PLA2G4D: variants seen among roughly 807,000 people sequenced by gnomAD.
PLA2G4D encodes cytosolic phospholipase A2 delta.
PLA2G4D carries 80 observed loss-of-function variants against 94.4 expected under a neutral mutation model. The observed-to-expected ratio is 0.85, with a 90% CI of 0.71 to 1.02. PLA2G4D has a LOEUF of 1.02. PLA2G4D is among the 50% of genes least tolerant of loss of function. The pLI is 0.00. For missense variants in PLA2G4D, 1,050 were observed against 1,034.7 expected (o/e 1.01, Z -0.20); for synonymous variants, 438 against 440.9 (o/e 0.99, Z 0.08).
chr15:42,075,250 A>C (rs1217789037), intron 13 of PLA2G4D, among the ~76,000 whole-genome samples: 1 of 152,274 alleles, frequency 6.6e-6, no homozygotes. Context: ...AAAACCGTGC[A>C]TTAAGTCATT....
chr15:42,073,884 C>T (rs1416150466), intron 13 of PLA2G4D, among the ~76,000 whole-genome samples: 1 of 152,116 alleles, frequency 6.6e-6, no homozygotes, highest in Non-Finnish European at 1.5e-5. Context: ...CTCTTCTGTC[C>T]CTGACGAGAA....
chr15:42,094,416 T>C lies in PLA2G4D; in HGVS notation c.44A>G (p.Gln15Arg). Residue 15 changes from glutamine (Q) to arginine (R), a missense_variant and splice_region_variant, in exon 1 of 20, where the codon CAG (glutamine) becomes CGG (arginine). Gln to Arg is a conservative substitution (Grantham distance 43, BLOSUM62 1). Transcript: ENST00000290472. ...SPGGPPGHPY[Q>R]GEASTCWQLT... The stretch of plus-strand genomic sequence containing the variant: ...CACATGCTCTGCAGACACTGTTACC[T>C]GGTAAGGGTGGCCAGGTGGTCCCCC... The C allele has an allele frequency of 6.2e-7, 1 of 1,613,984 alleles. No individual in the cohort carries two copies. Among genetic ancestry groups the C allele is most frequent in the Non-Finnish European group, 8.5e-7 (1 of 1,179,952 alleles).
chr15:42,081,990 G>C (rs1438506055), intron 9 of PLA2G4D, among the ~76,000 whole-genome samples, 156 bp from the exon 10 acceptor site: 3 of 142,420 alleles, frequency 2.1e-5, no homozygotes, highest in Non-Finnish European at 4.5e-5. Context: ...GGAGTGCAAT[G>C]GTGCGATCTT....
At chr15:42,093,467 G>A (rs577124797) in intron 1 of PLA2G4D, among the ~76,000 whole-genome samples, 2 of 152,320 alleles carry the variant, frequency 1.3e-5, no homozygotes, top group Admixed American at 1.3e-4. Flanking sequence ...TGGGACGGGT[G>A]GTGGAGCCAG....
intron 1 of PLA2G4D, 43 bp downstream of exon 1, chr15:42,094,372 G>A (rs2141107092): frequency 3.7e-6 from 6 of 1,610,306 alleles, no homozygotes; most frequent in Non-Finnish European, 5.1e-6. Context: ...CTGGCTCCAG[G>A]CCTGCCCTGA....
At chr15:42,082,477 C>A in intron 8 of PLA2G4D, 88 bp from the exon 9 acceptor site, 1 of 827,390 alleles carries the variant, frequency 1.2e-6, no homozygotes, top group Non-Finnish European at 2.0e-6. Context: ...CAGACACATT[C>A]TCCCTGATAA....
intron 14 of PLA2G4D, 65 bp downstream of exon 14, chr15:42,072,210 G>A: frequency 7.2e-7 from 1 of 1,383,482 alleles, no homozygotes; most frequent in Non-Finnish European, 1.0e-6. Flanking sequence ...AATTCTCTGG[G>A]GGCTGTCGGG....
chr15:42,085,492 T>C lies in PLA2G4D; in HGVS notation c.427A>G (p.Thr143Ala). The change falls in exon 5 of 20, where the codon ACG becomes GCG. Residue 143 changes from threonine (T) to alanine (A), a missense_variant and splice_region_variant. Physicochemically the swap from Thr to Ala is moderately conservative, Grantham distance 58. Transcript: ENST00000290472. ...ELDVEFLMEE[T>A]SDRPENLITN... ...CCTGGGCTGTGTGACATTACTCACG[T>C]TTCTTCCATCAGGAACTCCACATCC... The C allele has an allele frequency of 6.2e-7, 1 of 1,614,072 alleles. No homozygotes were observed.
In PLA2G4D at chr15:42,079,691, G is replaced by T. The variant is rs1403343484; in HGVS notation, c.1163C>A (p.Ala388Asp). 2.3e-5 allele frequency: 37 copies of T among 1,612,584 alleles called. No homozygotes were observed. The highest frequency in any genetic ancestry group is 2.7e-5 in the Non-Finnish European group (32 of 1,179,484). Residue 388 changes from alanine (A) to aspartate (D), a missense_variant, in exon 13 of 20, where the codon GCC becomes GAC. By Grantham distance (126) the Ala-to-Asp change is moderately radical. Transcript: ENST00000290472. Reference protein sequence around the residue: ...QRDLEGPIRYAREHLAKSKLE... With the variant: ...QRDLEGPIRYDREHLAKSKLE... ...CTTGCTCTTGGCCAGGTGCTCCCGG[G>T]CGTATCTGATAGGTCCCTCCAGGTC...
rs201031755 is a variant in PLA2G4D, at chr15:42,087,700, C to T, written c.46G>A (p.Gly16Arg). 6 of 1,613,906 alleles carry T rather than the reference C, an allele frequency of 3.7e-6. No homozygotes were observed. The highest frequency in any genetic ancestry group is 1.6e-4 in the Middle Eastern group (1 of 6,082). Reference sequence around the variant, plus strand: ...AGCTGCCAGCAGGTAGAGGCCTCCCCCTGAAGAGAAAATCAAACTCCAGAG... The same window carrying T: ...AGCTGCCAGCAGGTAGAGGCCTCCCTCTGAAGAGAAAATCAAACTCCAGAG... Reference protein sequence around the residue: ...PGGPPGHPYQGEASTCWQLTV... With the variant: ...PGGPPGHPYQREASTCWQLTV... The change falls in exon 2 of 20, where the codon GGG becomes AGG. Residue 16 changes from glycine (G) to arginine (R), a missense_variant and splice_region_variant. Gly to Arg is a moderately radical substitution (Grantham distance 125, BLOSUM62 -2). Coordinates refer to ENST00000290472, the MANE Select transcript of PLA2G4D (RefSeq NM_178034.4).
intron 1 of PLA2G4D, among the ~76,000 whole-genome samples, chr15:42,092,474 G>T (rs893722214): frequency 2.0e-5 from 3 of 152,168 alleles, no homozygotes; most frequent in African/African-American, 7.2e-5. Context: ...TCACAGATTT[G>T]ACTAATATGA....
At position 42,094,426 on chromosome 15, in the gene PLA2G4D, G is replaced by A. The variant is rs1434785017; in HGVS notation, c.34C>T (p.His12Tyr). The A allele has an allele frequency of 1.9e-6, 3 of 1,614,078 alleles. No homozygotes were observed. Among genetic ancestry groups the A allele is most frequent in the South Asian group, 2.2e-5 (2 of 91,072 alleles). The change falls in exon 1 of 20, where the codon CAC (histidine) becomes TAC (tyrosine). Residue 12 changes from histidine to tyrosine, a missense_variant. His to Tyr is a moderately conservative substitution (Grantham distance 83). Transcript: ENST00000290472. ...ESLSPGGPPG[H>Y]PYQGEASTCW... ...GCAGACACTGTTACCTGGTAAGGGTGGCCAGGTGGTCCCCCAGGTGACAGG... is the reference window on the plus strand; with the variant it reads ...GCAGACACTGTTACCTGGTAAGGGTAGCCAGGTGGTCCCCCAGGTGACAGG...
rs371892931 is a variant in PLA2G4D at position 42,090,028 on chromosome 15, G to A, written c.46-2328C>T. Among the ~76,000 whole-genome samples the A allele has an allele frequency of 1.8e-4, 28 of 152,270 alleles. No individual in the cohort carries two copies. The East Asian group carries it at 4.8e-3, about 26-fold the overall frequency. ...CGCTAACATGGAGTGCCCAGAACAT[G>A]GTATTATTGGGACAGTGATTACAAT... On this transcript the variant is annotated intron_variant, in intron 1 of 19. Coordinates refer to ENST00000290472, the MANE Select transcript of PLA2G4D (RefSeq NM_178034.4).
chr15:42,087,084 C>A (rs893659453), intron 3 of PLA2G4D, among the ~76,000 whole-genome samples: 1 of 152,186 alleles, frequency 6.6e-6, no homozygotes, highest in African/African-American at 2.4e-5. Flanking sequence ...AGGAACCCAG[C>A]TTGTGGGAGT....
intron 13 of PLA2G4D, among the ~76,000 whole-genome samples, chr15:42,072,799 A>T (rs149446125): frequency 8.2e-4 from 125 of 152,330 alleles, no homozygotes; most frequent in African/African-American, 3.0e-3. Context: ...ACTGCAACCT[A>T]TGCCAGGGGA....
Position 42,082,273 on chromosome 15 carries a change from AC to A in PLA2G4D, c.783+5del. The A allele has an allele frequency of 6.2e-7, 1 of 1,610,010 alleles. No individual in the cohort carries two copies. Among genetic ancestry groups the A allele is most frequent in the Non-Finnish European group, 8.5e-7 (1 of 1,176,380 alleles). ...TGGCATTTCCCATCCAGTTGAGGCC[AC>A]TTACATTTGGAGCAGGAACATCCAT... On this transcript the variant is annotated splice_donor_5th_base_variant and intron_variant, in intron 9 of 19. Coordinates refer to ENST00000290472, the MANE Select transcript of PLA2G4D (RefSeq NM_178034.4).
rs774404152 is a variant in PLA2G4D, at chr15:42,085,511, C to T, written c.408G>A (p.Val136=). ...QSPQGEEELD[V]EFLMEETSDR... ...CTCACGTTTCTTCCATCAGGAACTC[C>T]ACATCCAGCTCCTCCTCTCCCTGAA... Residue 136 remains valine, a synonymous_variant, in exon 5 of 20, where the codon GTG becomes GTA. Transcript: ENST00000290472. 6.2e-7 allele frequency: 1 copy of T among 1,614,136 alleles called. No individual in the cohort carries two copies. Among genetic ancestry groups the T allele is most frequent in the Non-Finnish European group, 8.5e-7 (1 of 1,180,026 alleles).
intron 1 of PLA2G4D, among the ~76,000 whole-genome samples, chr15:42,093,481 C>T (rs1026479127): frequency 2.6e-5 from 4 of 152,172 alleles, no homozygotes; most frequent in Non-Finnish European, 4.4e-5. Flanking sequence ...GAGCCAGGGC[C>T]GCCAGCCCCT....
At chr15:42,080,859 G>T in intron 12 of PLA2G4D, 138 bp downstream of exon 12, 1 of 1,205,486 alleles carries the variant, frequency 8.3e-7, no homozygotes. Flanking sequence ...CCTTCCTTGT[G>T]GGAAAGCTGC....
Sources: allele counts gnomAD v4.1 joint callset (sites outside exome capture counted in the v4.1 genomes callset), GRCh38; gene constraint gnomAD v4.1.1; transcripts MANE v1.5; gene names NCBI Gene and HGNC (gene_info 2026-07-23, HGNC 2026-07-21).